The following HNRNPUL2 variants were observed in gnomAD, a reference collection of about 807,000 sequenced individuals.
The protein encoded by HNRNPUL2 is heterogeneous nuclear ribonucleoprotein U like 2.
HNRNPUL2 carries 27 observed loss-of-function variants against 102.2 expected under a neutral mutation model. The ratio of observed to expected loss-of-function variants is 0.26; its 90% CI spans 0.19 to 0.36. The LOEUF (loss-of-function observed/expected upper bound fraction) is 0.36. Ranked by LOEUF, HNRNPUL2 falls within the 10% of genes least tolerant of loss-of-function variation. HNRNPUL2 has a pLI of 1.00. For missense variants in HNRNPUL2, 936 were observed against 981.1 expected (o/e 0.95, Z 0.61); for synonymous variants, 458 against 387.2 (o/e 1.18, Z -2.15).
At position 62,726,753 on chromosome 11, in the gene HNRNPUL2, G is replaced by A. The variant is rs1198231389; in HGVS notation, c.404C>T (p.Thr135Met). 10 of 1,600,754 alleles carry A rather than the reference G, an allele frequency of 6.2e-6. No individual in the cohort carries two copies. The Admixed American group carries it at 1.0e-4, about 16-fold the overall frequency. ...ACCATTTACCCCGCCTGACCCGGCC[G>A]TGGCCTCCGCCGGCTTCTCGGAAGC... ...PDASEKPAEA[T>M]AGSGGVNGGE... The change falls in exon 1 of 14, where the codon ACG (threonine) becomes ATG (methionine). Residue 135 changes from threonine to methionine, a missense_variant. Thr to Met is a moderately conservative substitution (Grantham distance 81). Coordinates refer to ENST00000301785, the MANE Select transcript of HNRNPUL2 (RefSeq NM_001079559.3).
At position 62,724,416 on chromosome 11, in the gene HNRNPUL2, C is replaced by T; in HGVS notation, c.549G>A (p.Gln183=). 1.2e-6 allele frequency: 2 copies of T among 1,614,154 alleles called. No individual in the cohort carries two copies. Among genetic ancestry groups the T allele is most frequent in the Non-Finnish European group, 1.7e-6 (2 of 1,180,018 alleles). The change falls in exon 2 of 14, where the codon CAG becomes CAA. Residue 183 remains glutamine, a synonymous_variant. Coordinates refer to ENST00000301785, the MANE Select transcript of HNRNPUL2 (RefSeq NM_001079559.3). ...CTGCTGGTTTTGACTTTTCACTATC[C>T]TGGTCATCTCCTACAAAAACGAGGG... ...DKAAEEQGDD[Q]DSEKSKPAGS...
At chr11:62,723,879 A>T in intron 3 of HNRNPUL2, 35 bp downstream of exon 3, 1 of 1,602,824 alleles carries the variant, frequency 6.2e-7, no homozygotes, top group South Asian at 1.1e-5. Flanking sequence ...TTAGGAGATT[A>T]GTTAAAAACC....
chr11:62,719,916 T>C (rs2083687539), intron 10 of HNRNPUL2, 107 bp downstream of exon 10: 2 of 1,069,880 alleles, frequency 1.9e-6, no homozygotes, highest in African/African-American at 1.6e-5. Context: ...TGCTATGCTC[T>C]TGGACTTCCT....
chr11:62,727,185 C>T lies in HNRNPUL2; in HGVS notation c.-29G>A, dbSNP rs1290448038. 11 of 1,404,944 alleles carry T rather than the reference C, an allele frequency of 7.8e-6. No individual in the cohort carries two copies. In the Admixed American group the frequency reaches 2.3e-4, roughly 29 times the overall value. 87.0% of individuals were successfully genotyped at this position (1,404,944 alleles called of 1,614,324 possible). A position where few individuals can be genotyped will look rare whatever the true frequency, so the allele number is the denominator to read the frequency against. ...CGCCGCCGCCTCCTCCGCCTCCCGCCGCCTCCTCCCCTGCGAACCGTCGAC... is the reference window on the plus strand; with the variant it reads ...CGCCGCCGCCTCCTCCGCCTCCCGCTGCCTCCTCCCCTGCGAACCGTCGAC... On this transcript the variant is annotated 5_prime_UTR_variant, in exon 1 of 14. Transcript: ENST00000301785.
Position 62,721,342 on chromosome 11 carries a change from G to C in HNRNPUL2, c.1564C>G (p.Leu522Val). 1 of 1,609,724 alleles carries C rather than the reference G, an allele frequency of 6.2e-7. No individual in the cohort carries two copies. Among genetic ancestry groups the C allele is most frequent in the South Asian group, 1.1e-5 (1 of 89,996 alleles). ...TTTGTCCGGGAAGCAATCTGGACCA[G>C]CTTACTAAGGCACTGGGAGGCTTGC... ...VQQASQCLSK[L>V]VQIASRTKRN... Residue 522 changes from leucine (L) to valine (V), a missense_variant, in exon 9 of 14, where the codon CTG becomes GTG. Leu to Val is a conservative substitution (Grantham distance 32). Transcript: ENST00000301785.
At chr11:62,716,845 C>T in intron 11 of HNRNPUL2, 144 bp downstream of exon 11, 2 of 687,902 alleles carry the variant, frequency 2.9e-6, no homozygotes, top group Non-Finnish European at 4.9e-6. Flanking sequence ...ATAAAGAACA[C>T]AGGAAGAAAT....
chr11:62,727,240 C>CCGCCGCCGT lies in HNRNPUL2; in HGVS notation c.-85_-84insACGGCGGCG. The stretch of plus-strand genomic sequence containing the variant: ...TCCGACCGCGCAGGCGCCGCCGCCG[C>CCGCCGCCGT]CGCCCGCCTCCGCCTCACGCGCCAG... On this transcript the variant is annotated 5_prime_UTR_variant, in exon 1 of 14. Transcript: ENST00000301785. 5 of 1,301,284 alleles carry CCGCCGCCGT rather than the reference C, an allele frequency of 3.8e-6. No homozygotes were observed. Among genetic ancestry groups the CCGCCGCCGT allele is most frequent in the Non-Finnish European group, 3.9e-6 (4 of 1,028,394 alleles). 80.6% of individuals were successfully genotyped at this position (1,301,284 alleles called of 1,614,324 possible).
In HNRNPUL2 at chr11:62,724,096, A is replaced by T. The variant is rs529918150; in HGVS notation, c.675-106T>A. On this transcript the variant is annotated intron_variant, in intron 2 of 13. Coordinates refer to ENST00000301785, the MANE Select transcript of HNRNPUL2 (RefSeq NM_001079559.3). ...CATTTTAAACTGTCAGTGAATATCA[A>T]ATCCCAGCAGACAGCTTTTTCCAAT... 31 of 1,200,670 alleles carry T rather than the reference A, an allele frequency of 2.6e-5. No homozygotes were observed. The East Asian group carries it at 6.8e-4, about 26-fold the overall frequency. 74.4% of individuals were successfully genotyped at this position (1,200,670 alleles called of 1,614,324 possible).
At chr11:62,716,551 C>T (rs548036634) in intron 11 of HNRNPUL2, among the ~76,000 whole-genome samples, 1 of 152,098 alleles carries the variant, frequency 6.6e-6, no homozygotes, top group African/African-American at 2.4e-5. Flanking sequence ...TTCTTCCCCC[C>T]ACAAAAAACA....
chr11:62,715,016 C>G lies in HNRNPUL2; in HGVS notation c.*283G>C. Reference sequence around the variant, plus strand: ...AGGCAGCCCTAAGTGCTGCTTTCTGCGCAAATGTTTTTTGATTACAAATCT... The same window carrying G: ...AGGCAGCCCTAAGTGCTGCTTTCTGGGCAAATGTTTTTTGATTACAAATCT... On this transcript the variant is annotated 3_prime_UTR_variant, in exon 14 of 14. Coordinates refer to ENST00000301785, the MANE Select transcript of HNRNPUL2 (RefSeq NM_001079559.3). 2.7e-6 allele frequency: 1 copy of G among 366,318 alleles called. No individual in the cohort carries two copies. Among genetic ancestry groups the G allele is most frequent in the Non-Finnish European group, 5.0e-6 (1 of 198,756 alleles). The allele number at this position is 366,318 out of a possible 1,614,324, so 22.7% of individuals were successfully genotyped here.
chr11:62,725,459 A>C (rs1490989292), intron 1 of HNRNPUL2, among the ~76,000 whole-genome samples: 1 of 152,210 alleles, frequency 6.6e-6, no homozygotes, highest in Non-Finnish European at 1.5e-5. Flanking sequence ...CTGGCCTCCC[A>C]AAGTGCCAGG....
chr11:62,712,637 A>T lies in HNRNPUL2; in HGVS notation c.*2662T>A, dbSNP rs1161391873. 1 of 152,220 alleles carries T rather than the reference A, an allele frequency of 6.6e-6. No individual in the cohort carries two copies. Among genetic ancestry groups the T allele is most frequent in the East Asian group, 1.9e-4 (1 of 5,204 alleles). 9.4% of individuals were successfully genotyped at this position (152,220 alleles called of 1,614,324 possible). ...CAGCCACAGGAGATAGGGTGAATTCAATCCAAATGGTTATTTATTCTAAAA... is the reference window on the plus strand; with the variant it reads ...CAGCCACAGGAGATAGGGTGAATTCTATCCAAATGGTTATTTATTCTAAAA... On this transcript the variant is annotated 3_prime_UTR_variant, in exon 14 of 14. Transcript: ENST00000301785.
Position 62,717,033 on chromosome 11 carries a change from C to T in HNRNPUL2, c.1937G>A (p.Arg646Gln). The change falls in exon 11 of 14, where the codon CGA (arginine) becomes CAA (glutamine). Residue 646 changes from arginine (R) to glutamine (Q), a missense_variant. Around this residue, in one of 2 missense-constraint regions of HNRNPUL2, gnomAD observed 609 missense variants for 713.0 expected, o/e 0.85. Coordinates refer to ENST00000301785, the MANE Select transcript of HNRNPUL2 (RefSeq NM_001079559.3). ...TCGGTTCTGCCGGTTACGCTTGTTT[C>T]GGTTGTTTCGGCGATTTGTCCGCTT... The part of the protein sequence containing the change: ...SEKRTNRRNN[R>Q]NKRNRQNRSR... 3.1e-6 allele frequency: 5 copies of T among 1,613,716 alleles called. No homozygotes were observed. Among genetic ancestry groups the T allele is most frequent in the Non-Finnish European group, 4.2e-6 (5 of 1,179,980 alleles).
intron 1 of HNRNPUL2, among the ~76,000 whole-genome samples, chr11:62,724,663 T>C (rs562240734): frequency 6.6e-6 from 1 of 152,272 alleles, no homozygotes; most frequent in Non-Finnish European, 1.5e-5. Flanking sequence ...TAGATAAAAA[T>C]TGGACAATTT....
chr11:62,725,620 A>G (rs1173325728), intron 1 of HNRNPUL2, among the ~76,000 whole-genome samples: 11 of 152,228 alleles, frequency 7.2e-5, no homozygotes, highest in Non-Finnish European at 1.5e-5. Flanking sequence ...TTGTTGTACA[A>G]TGGGTTCCGA....
chr11:62,717,997 T>A (rs1289238715), intron 10 of HNRNPUL2, among the ~76,000 whole-genome samples: 1 of 152,188 alleles, frequency 6.6e-6, no homozygotes, highest in Admixed American at 6.5e-5. Flanking sequence ...ATGAATCCAG[T>A]TGGCCCTCAA....
intron 10 of HNRNPUL2, among the ~76,000 whole-genome samples, chr11:62,719,534 C>T (rs750700224): frequency 1.3e-5 from 2 of 152,188 alleles, no homozygotes; most frequent in Non-Finnish European, 2.9e-5. Context: ...CAAGTGCTCA[C>T]GACCATTAAG....
In HNRNPUL2 at chr11:62,727,186, G is replaced by A. The variant is rs1026966948; in HGVS notation, c.-30C>T. 1.4e-5 allele frequency: 20 copies of A among 1,402,248 alleles called. No individual in the cohort carries two copies. The Middle Eastern group carries it at 7.3e-4, about 51-fold the overall frequency. The allele number at this position is 1,402,248 out of a possible 1,614,324, so 86.9% of individuals were successfully genotyped here. ...GCCGCCGCCTCCTCCGCCTCCCGCCGCCTCCTCCCCTGCGAACCGTCGACC... is the reference window on the plus strand; with the variant it reads ...GCCGCCGCCTCCTCCGCCTCCCGCCACCTCCTCCCCTGCGAACCGTCGACC... On this transcript the variant is annotated 5_prime_UTR_variant, in exon 1 of 14. Coordinates refer to ENST00000301785, the MANE Select transcript of HNRNPUL2 (RefSeq NM_001079559.3).
chr11:62,724,064 T>G, intron 2 of HNRNPUL2, 74 bp from the exon 3 acceptor site: 1 of 1,294,720 alleles, frequency 7.7e-7, no homozygotes, highest in Non-Finnish European at 1.1e-6. Context: ...GTGTATGACA[T>G]TATGTCCATT....
Sources: gnomAD v4.1 joint callset for allele counts (sites outside exome capture counted in the v4.1 genomes callset) on GRCh38, gnomAD v4.1.1 for gene constraint, gnomAD v4.1.1 regional missense constraint, MANE v1.5 for transcripts, NCBI Gene and HGNC (gene_info 2026-07-23, HGNC 2026-07-21) for gene names.